Variants in LDB2 observed in about 807,000 individuals in gnomAD.
LDB2 encodes the protein LIM domain binding 2, also known as LIM domain-binding protein 2.
Under a neutral mutation model 44.3 loss-of-function variants are expected in LDB2, and 12 were observed. That is an observed-to-expected ratio of 0.27 (90% CI 0.17 to 0.44). The LOEUF (loss-of-function observed/expected upper bound fraction) is 0.44. Among genes scored for constraint, LDB2 ranks in the 20% least tolerant of loss-of-function variants. The pLI is 1.00. For missense variants in LDB2, 344 were observed against 473.5 expected, an observed-to-expected ratio of 0.73 and a Z score of 2.54; for synonymous variants, 164 against 174.8, an observed-to-expected ratio of 0.94 and a Z score of 0.49.
chr4:16,871,111 C>T (rs1716444937), intron 1 of LDB2, among the ~76,000 whole-genome samples: 1 of 152,184 alleles, frequency 6.6e-6, no homozygotes, highest in Non-Finnish European at 1.5e-5. Flanking sequence ...ACAAATCATA[C>T]TGAAAGCAAA....
intron 2 of LDB2, among the ~76,000 whole-genome samples, chr4:16,665,999 T>C (rs1311138931): frequency 6.6e-6 from 1 of 152,144 alleles, no homozygotes; most frequent in Non-Finnish European, 1.5e-5. Context: ...TGGAACAATC[T>C]CCCTCAGAGC....
chr4:16,570,332 G>A (rs375632414), intron 5 of LDB2, among the ~76,000 whole-genome samples: 6 of 150,680 alleles, frequency 4.0e-5, no homozygotes, highest in South Asian at 2.1e-4. Context: ...GTGTGGTGGC[G>A]GGCACCTGTA....
In LDB2 at chr4:16,671,391, G is replaced by A. The variant is rs140401634; in HGVS notation, c.236-75516C>T. On this transcript the variant is annotated intron_variant, in intron 2 of 7. Transcript: ENST00000304523. ...TTGTGAGGGGGAAATAAGATACTCCGTGTAAAAAACTTTCATGCAGCCTCT... is the reference window on the plus strand; with the variant it reads ...TTGTGAGGGGGAAATAAGATACTCCATGTAAAAAACTTTCATGCAGCCTCT... Among the ~76,000 whole-genome samples, 36 of 152,190 alleles carry A rather than the reference G, an allele frequency of 2.4e-4. 1 individual carries two copies. In the East Asian group the frequency reaches 3.1e-3, roughly 13 times the overall value.
intron 2 of LDB2, among the ~76,000 whole-genome samples, chr4:16,643,608 A>G (rs775482702): frequency 4.6e-5 from 7 of 152,208 alleles, no homozygotes; most frequent in Non-Finnish European, 1.0e-4. Flanking sequence ...ATCATGCCTA[A>G]AAATATAGTA....
At chr4:16,837,267 A>C (rs16894068) in intron 1 of LDB2, among the ~76,000 whole-genome samples, 2,786 of 152,278 alleles carry the variant, frequency 0.018, 95 homozygotes, top group African/African-American at 0.064. Context: ...GAATAATAAC[A>C]TCTACCTTGG....
chr4:16,607,370 C>T (rs996348898), intron 2 of LDB2, among the ~76,000 whole-genome samples: 4 of 152,242 alleles, frequency 2.6e-5, no homozygotes, highest in African/African-American at 9.6e-5. Flanking sequence ...CAGAACCATC[C>T]TCCTTGCCCT....
At chr4:16,737,924 G>A (rs565736389) in intron 2 of LDB2, among the ~76,000 whole-genome samples, 2 of 152,062 alleles carry the variant, frequency 1.3e-5, no homozygotes, top group African/African-American at 2.4e-5. Flanking sequence ...CTCAATGGAG[G>A]GACTTTAGAA....
At chr4:16,829,688 T>C (rs1783716657) in intron 1 of LDB2, among the ~76,000 whole-genome samples, 1 of 152,194 alleles carries the variant, frequency 6.6e-6, no homozygotes, top group African/African-American at 2.4e-5. Context: ...TGATGTCACT[T>C]AGTCTGTATG....
chr4:16,788,169 G>T (rs1774895058), intron 1 of LDB2, among the ~76,000 whole-genome samples: 1 of 152,182 alleles, frequency 6.6e-6, no homozygotes, highest in South Asian at 2.1e-4. Flanking sequence ...AAAATCCCAA[G>T]AGCTTTCTCA....
Position 16,502,025 on chromosome 4 carries a change from C to T in LDB2, c.*618G>A, listed in dbSNP as rs1717642476. 1 of 152,452 alleles carries T rather than the reference C, an allele frequency of 6.6e-6. No individual in the cohort carries two copies. Among genetic ancestry groups the T allele is most frequent in the South Asian group, 2.1e-4 (1 of 4,822 alleles). 9.4% of individuals were successfully genotyped at this position (152,452 alleles called of 1,614,324 possible). ...CAGCACTTGGGCTAAATTGAGTCGA[C>T]TCAAGACAAGAACCAATTGACATCA... On this transcript the variant is annotated 3_prime_UTR_variant, in exon 8 of 8. Transcript: ENST00000304523.
chr4:16,843,089 T>G (rs1344041682), intron 1 of LDB2, among the ~76,000 whole-genome samples: 1 of 152,198 alleles, frequency 6.6e-6, no homozygotes, highest in Non-Finnish European at 1.5e-5. Flanking sequence ...TTGCAATCAT[T>G]CAGTATATAC....
Position 16,563,429 on chromosome 4 carries a change from ATTTTTTTTTTTTTTTTTTT to A in LDB2, c.615+22474_615+22492del, listed in dbSNP as rs1169491759. On this transcript the variant is annotated intron_variant, in intron 5 of 7. Transcript: ENST00000304523. Reference sequence around the variant, plus strand: ...TCAAAACCATCTCATCAGTCATCAGATTTTTTTTTTTTTTTTTTTTTTTTTTTTTTTTTTTTTGAGATGG... The same window carrying A: ...TCAAAACCATCTCATCAGTCATCAGATTTTTTTTTTTTTTTTTTGAGATGG... Among the ~76,000 whole-genome samples the A allele has an allele frequency of 5.6e-3, 263 of 46,572 alleles. 1 individual carries two copies. The highest frequency in any genetic ancestry group is 0.019 in the Middle Eastern group (1 of 54). 30.6% of individuals were successfully genotyped at this position (46,572 alleles called of 152,430 possible).
chr4:16,665,356 C>A (rs1742787645), intron 2 of LDB2, among the ~76,000 whole-genome samples: 3 of 148,554 alleles, frequency 2.0e-5, no homozygotes, highest in African/African-American at 7.4e-5. Context: ...ACCTCCGCCT[C>A]TCAGGTTCAA....
rs58186199 is a variant in LDB2, at chr4:16,755,472, G to GGTGTGTGTGTGT, written c.235+3674_235+3685dup. On this transcript the variant is annotated intron_variant, in intron 2 of 7. Transcript: ENST00000304523. Reference sequence around the variant, plus strand: ...TAGCTATGGCATGATGTAGGAATAGGGTGTGTGTGTGTGTGTGTGTGTGTG... The same window carrying GGTGTGTGTGTGT: ...TAGCTATGGCATGATGTAGGAATAGGGTGTGTGTGTGTGTGTGTGTGTGTGTGTGTGTGTGTG... 1.5e-3 allele frequency among the ~76,000 whole-genome samples: 172 copies of GGTGTGTGTGTGT among 118,272 alleles called. 4 individuals carry two copies. The highest frequency in any genetic ancestry group is 4.5e-3 in the African/African-American group (138 of 30,430). 77.6% of individuals were successfully genotyped at this position (118,272 alleles called of 152,430 possible).
intron 2 of LDB2, among the ~76,000 whole-genome samples, chr4:16,715,774 T>C (rs941783400): frequency 6.6e-6 from 1 of 152,154 alleles, no homozygotes; most frequent in Non-Finnish European, 1.5e-5. Flanking sequence ...TTTTGGTGTA[T>C]GGGGAAGTCA....
At chr4:16,542,152 G>C (rs1484093465) in intron 5 of LDB2, among the ~76,000 whole-genome samples, 1 of 149,854 alleles carries the variant, frequency 6.7e-6, no homozygotes, top group African/African-American at 2.5e-5. Context: ...ACCCTAGAAG[G>C]CAGCCTCATT....
intron 1 of LDB2, among the ~76,000 whole-genome samples, chr4:16,812,916 T>A (rs149147254): frequency 2.0e-5 from 3 of 152,098 alleles, no homozygotes; most frequent in African/African-American, 7.2e-5. Context: ...AAAATTAACA[T>A]TTAAATATTA....
chr4:16,735,094 G>A (rs1761612522), intron 2 of LDB2, among the ~76,000 whole-genome samples: 1 of 152,156 alleles, frequency 6.6e-6, no homozygotes, highest in Admixed American at 6.5e-5. Flanking sequence ...ATTCCTCCAT[G>A]ACAGTGTTTG....
chr4:16,701,016 C>A (rs157620), intron 2 of LDB2, among the ~76,000 whole-genome samples: 59,469 of 151,916 alleles, frequency 0.39, 11,855 homozygotes, highest in East Asian at 0.66. Context: ...AGGAACTTTA[C>A]TTATCTCCAT....
Sources: allele counts gnomAD v4.1 joint callset (sites outside exome capture counted in the v4.1 genomes callset), GRCh38; gene constraint gnomAD v4.1.1; transcripts MANE v1.5; gene names NCBI Gene and HGNC (gene_info 2026-07-23, HGNC 2026-07-21).